Variants in SLC38A12 observed in about 807,000 individuals in gnomAD.
SLC38A12 encodes the protein solute carrier family 38 member 12.
At chr17:74,837,219 C>T in the SLC38A12 span, 2 of 985,756 alleles carry the variant, frequency 2.0e-6, no homozygotes, top group Non-Finnish European at 2.4e-6. Flanking sequence ...CCCACCAGGC[C>T]TGGGAGGCGG....
At chr17:74,813,604 C>T in the SLC38A12 span, among the ~76,000 whole-genome samples, 4 of 152,078 alleles carry the variant, frequency 2.6e-5, no homozygotes, top group Non-Finnish European at 5.9e-5. Context: ...GGGTTCAAGC[C>T]GTTCTCCTGC....
chr17:74,838,593 G>A, the SLC38A12 span: 3 of 1,293,134 alleles, frequency 2.3e-6, no homozygotes, highest in African/African-American at 4.5e-5. Context: ...GAGGGAACTG[G>A]CCAGCAGTGA....
At chr17:74,828,300 C>T in the SLC38A12 span, among the ~76,000 whole-genome samples, 1 of 152,228 alleles carries the variant, frequency 6.6e-6, no homozygotes, top group African/African-American at 2.4e-5. Context: ...CAAGGCACAG[C>T]TCAGCACTGG....
chr17:74,794,772 G>A, the SLC38A12 span, among the ~76,000 whole-genome samples: 10 of 151,958 alleles, frequency 6.6e-5, no homozygotes, highest in African/African-American at 1.9e-4. Context: ...TCCCAGCCTC[G>A]TTGAGTCCTC....
At chr17:74,813,167 T>TCGCCTG in the SLC38A12 span, among the ~76,000 whole-genome samples, 24 of 152,254 alleles carry the variant, frequency 1.6e-4, no homozygotes, top group South Asian at 5.0e-3. Context: ...AACAAAAGCG[T>TCGCCTG]CGCCTGCGTG....
At chr17:74,820,702 G>A in the SLC38A12 span, among the ~76,000 whole-genome samples, 1 of 152,214 alleles carries the variant, frequency 6.6e-6, no homozygotes, top group Admixed American at 6.5e-5. Context: ...CAGCACAGAA[G>A]CACTTGGCTC....
chr17:74,782,417 G>A, the SLC38A12 span, among the ~76,000 whole-genome samples: 86 of 152,110 alleles, frequency 5.7e-4, no homozygotes, highest in African/African-American at 1.8e-3. Flanking sequence ...ACGTAGCCCC[G>A]TGAGTTCAAG....
the SLC38A12 span, chr17:74,835,980 G>GT: frequency 6.2e-7 from 1 of 1,611,936 alleles, no homozygotes; most frequent in Non-Finnish European, 8.5e-7. Context: ...CGGACAAGGG[G>GT]AGGGGCACCC....
chr17:74,790,434 A>ACC, the SLC38A12 span: 3 of 755,054 alleles, frequency 4.0e-6, no homozygotes, highest in Non-Finnish European at 6.8e-6. Flanking sequence ...GCCCTGTGGT[A>ACC]GACTCAAAAG....
At chr17:74,838,296 C>T in the SLC38A12 span, 1 of 985,998 alleles carries the variant, frequency 1.0e-6, no homozygotes, top group African/African-American at 1.7e-5. Flanking sequence ...CGACTTCCTC[C>T]CAGGAGGCCT....
the SLC38A12 span, among the ~76,000 whole-genome samples, chr17:74,827,986 G>A: frequency 6.6e-6 from 1 of 152,196 alleles, no homozygotes; most frequent in African/African-American, 2.4e-5. The surrounding 1 kb of genome is among the most constrained non-coding windows in gnomAD (Gnocchi z 4.7). Context: ...GAGGGAGCTG[G>A]CGCCAAGTCC....
the SLC38A12 span, among the ~76,000 whole-genome samples, chr17:74,786,464 T>C: frequency 3.3e-5 from 5 of 152,114 alleles, no homozygotes; most frequent in African/African-American, 7.2e-5. Context: ...TGACTTTATG[T>C]TGTGGGGAGA....
At chr17:74,802,517 C>T in the SLC38A12 span, among the ~76,000 whole-genome samples, 5 of 152,140 alleles carry the variant, frequency 3.3e-5, no homozygotes, top group African/African-American at 1.2e-4. Flanking sequence ...CGACATAGCC[C>T]CCTTCACAGC....
chr17:74,800,489 C>A, the SLC38A12 span, among the ~76,000 whole-genome samples: 2 of 152,292 alleles, frequency 1.3e-5, no homozygotes, highest in African/African-American at 4.8e-5. Flanking sequence ...CCACTGTGCC[C>A]TGGGGCTGTG....
At chr17:74,827,508 C>G in the SLC38A12 span, among the ~76,000 whole-genome samples, 1 of 152,120 alleles carries the variant, frequency 6.6e-6, no homozygotes, top group African/African-American at 2.4e-5. The surrounding 1 kb of genome is among the most constrained non-coding windows in gnomAD (Gnocchi z 4.7). Flanking sequence ...GTTGGCCAGG[C>G]TGGTCTCGAA....
At chr17:74,807,670 C>T in the SLC38A12 span, among the ~76,000 whole-genome samples, 1 of 152,236 alleles carries the variant, frequency 6.6e-6, no homozygotes, top group African/African-American at 2.4e-5. Flanking sequence ...AGCTGGAATC[C>T]GTCCACTGCC....
At chr17:74,815,721 C>T in the SLC38A12 span, among the ~76,000 whole-genome samples, 2 of 152,148 alleles carry the variant, frequency 1.3e-5, no homozygotes, top group South Asian at 4.1e-4. Context: ...CCTCAGCAGG[C>T]GTGAGTTGAG....
chr17:74,807,927 G>A, the SLC38A12 span, among the ~76,000 whole-genome samples: 16 of 152,334 alleles, frequency 1.1e-4, no homozygotes, highest in Middle Eastern at 3.4e-3. Flanking sequence ...GCTAGATTCC[G>A]TGGTCCTCCG....
the SLC38A12 span, chr17:74,790,432 G>GTC: frequency 3.8e-6 from 3 of 784,250 alleles, no homozygotes; most frequent in Non-Finnish European, 6.5e-6. Flanking sequence ...AGGCCCTGTG[G>GTC]TAGACTCAAA....
Sources: allele counts gnomAD v4.1 joint callset (sites outside exome capture counted in the v4.1 genomes callset), GRCh38; gene constraint gnomAD v4.1.1; non-coding constraint Gnocchi (gnomAD v3.1); transcripts MANE v1.5; gene names NCBI Gene and HGNC (gene_info 2026-07-23, HGNC 2026-07-21).